Variants in SORCS1 observed in about 807,000 individuals in gnomAD.
SORCS1 encodes the protein sortilin related VPS10 domain containing receptor 1, also known as VPS10 domain-containing receptor SorCS1.
In SORCS1, 60 loss-of-function variants were observed where a neutral mutation model predicts 146.1. The observed-to-expected ratio is 0.41, with a 90% CI of 0.33 to 0.51. The LOEUF (loss-of-function observed/expected upper bound fraction) is 0.51. Among genes scored for constraint, SORCS1 ranks in the 20% least tolerant of loss-of-function variants. SORCS1 has a pLI of 0.21. For missense variants in SORCS1, 1,352 were observed against 1,487.6 expected, an observed-to-expected ratio of 0.91 and a Z score of 1.50; for synonymous variants, 637 against 584.0, an observed-to-expected ratio of 1.09 and a Z score of -1.31.
intron 23 of SORCS1, chr10:106,600,652 C>A: frequency 2.0e-6 from 2 of 985,412 alleles, no homozygotes; most frequent in Non-Finnish European, 2.4e-6. Flanking sequence ...TTGCTTGCTT[C>A]TTACTATCTT....
At chr10:106,750,840 A>G (rs1287059729) in intron 5 of SORCS1, among the ~76,000 whole-genome samples, 1 of 147,596 alleles carries the variant, frequency 6.8e-6, no homozygotes, top group Non-Finnish European at 1.5e-5. Flanking sequence ...CGGGCGGATC[A>G]CGAGGTCAAG....
intron 5 of SORCS1, among the ~76,000 whole-genome samples, chr10:106,754,701 C>T (rs1305444631): frequency 6.6e-6 from 1 of 152,146 alleles, no homozygotes; most frequent in Non-Finnish European, 1.5e-5. Flanking sequence ...CTGAAATGCA[C>T]TGAGTATAGC....
In SORCS1 at chr10:106,577,124, G is replaced by A. The variant is rs1036875233; in HGVS notation, c.*296C>T. The A allele has an allele frequency of 3.3e-5, 35 of 1,076,784 alleles. No homozygotes were observed. The highest frequency in any genetic ancestry group is 1.0e-4 in the Admixed American group (4 of 39,186). The allele number at this position is 1,076,784 out of a possible 1,614,324, so 66.7% of individuals were successfully genotyped here. Reference sequence around the variant, plus strand: ...TGTGTCTGAAGAATTAAAAAGTCCCGATGCAGTGAGTGTTTGTTTGTTTGT... The same window carrying A: ...TGTGTCTGAAGAATTAAAAAGTCCCAATGCAGTGAGTGTTTGTTTGTTTGT... On this transcript the variant is annotated 3_prime_UTR_variant, in exon 26 of 26. Transcript: ENST00000263054.
intron 23 of SORCS1, among the ~76,000 whole-genome samples, chr10:106,599,666 T>C (rs1344940169): frequency 6.6e-6 from 1 of 152,230 alleles, no homozygotes; most frequent in African/African-American, 2.4e-5. Context: ...TTAGCCTGTT[T>C]TGCCAAATTT....
intron 3 of SORCS1, among the ~76,000 whole-genome samples, chr10:106,810,765 C>T (rs1446361198): frequency 6.6e-6 from 1 of 152,132 alleles, no homozygotes; most frequent in Non-Finnish European, 1.5e-5. Flanking sequence ...TCTCCTAATG[C>T]ACTCCTAAAA....
At chr10:107,027,350 GT>G (rs1441908856) in intron 1 of SORCS1, among the ~76,000 whole-genome samples, 1 of 151,794 alleles carries the variant, frequency 6.6e-6, no homozygotes, top group Non-Finnish European at 1.5e-5. Flanking sequence ...CCTCACTAAT[GT>G]CCCCATCCGA....
At chr10:107,020,820 T>C in intron 1 of SORCS1, among the ~76,000 whole-genome samples, 1 of 152,222 alleles carries the variant, frequency 6.6e-6, no homozygotes, top group East Asian at 1.9e-4. Context: ...CAGCAATCCC[T>C]AAACTTTCTA....
chr10:107,040,693 T>G (rs1257518431), intron 1 of SORCS1, among the ~76,000 whole-genome samples: 2 of 152,186 alleles, frequency 1.3e-5, no homozygotes, highest in African/African-American at 4.8e-5. Context: ...TTAGGGTTGT[T>G]GTAAGGATTA....
chr10:107,023,521 C>G lies in SORCS1; in HGVS notation c.559-66941G>C, dbSNP rs146965737. On this transcript the variant is annotated intron_variant, in intron 1 of 25. Transcript: ENST00000263054. ...GGTATCCAAAAAACACAAAGCAGAGCTTGTGACATAAGAATTTTTATAGTC... is the reference window on the plus strand; with the variant it reads ...GGTATCCAAAAAACACAAAGCAGAGGTTGTGACATAAGAATTTTTATAGTC... 2.0e-5 allele frequency among the ~76,000 whole-genome samples: 3 copies of G among 152,224 alleles called. No individual in the cohort carries two copies. The East Asian group carries it at 5.8e-4, about 29-fold the overall frequency.
chr10:106,670,533 C>G (rs1483662665), intron 16 of SORCS1, among the ~76,000 whole-genome samples: 3 of 152,120 alleles, frequency 2.0e-5, no homozygotes, highest in Non-Finnish European at 4.4e-5. Flanking sequence ...CGAAAACTTG[C>G]AGGGACAGAA....
At chr10:107,023,479 A>T (rs1457934031) in intron 1 of SORCS1, among the ~76,000 whole-genome samples, 1 of 152,234 alleles carries the variant, frequency 6.6e-6, no homozygotes, top group Non-Finnish European at 1.5e-5. Context: ...TCCCATAAAC[A>T]TGTGCTAGAG....
intron 1 of SORCS1, among the ~76,000 whole-genome samples, chr10:107,007,684 A>G (rs1230596692): frequency 2.6e-5 from 4 of 152,246 alleles, no homozygotes; most frequent in Non-Finnish European, 5.9e-5. Context: ...AACATTCTGG[A>G]TGAATCTTTA....
chr10:106,673,037 T>A, intron 14 of SORCS1, 52 bp from the exon 15 acceptor site: 1 of 1,437,208 alleles, frequency 7.0e-7, no homozygotes, highest in Non-Finnish European at 9.7e-7. Flanking sequence ...ATGTAATGAG[T>A]AATAACAACA....
At chr10:106,614,815 G>A (rs1325048513) in intron 21 of SORCS1, among the ~76,000 whole-genome samples, 1 of 152,198 alleles carries the variant, frequency 6.6e-6, no homozygotes, top group Non-Finnish European at 1.5e-5. Flanking sequence ...ATGCGTGTGG[G>A]CGGACTGAAA....
At chr10:106,812,388 G>C (rs377088881) in intron 3 of SORCS1, among the ~76,000 whole-genome samples, 22 of 152,138 alleles carry the variant, frequency 1.4e-4, no homozygotes, top group African/African-American at 5.1e-4. Flanking sequence ...AGAGCTTACA[G>C]TTTATTATAA....
chr10:106,929,059 A>G (rs1435221292), intron 2 of SORCS1, among the ~76,000 whole-genome samples: 2 of 152,176 alleles, frequency 1.3e-5, no homozygotes, highest in Non-Finnish European at 1.5e-5. Context: ...TAAGAAATGC[A>G]CAGGCTCTCA....
intron 19 of SORCS1, among the ~76,000 whole-genome samples, chr10:106,626,282 C>G (rs1050307558): frequency 6.6e-6 from 1 of 152,072 alleles, no homozygotes; most frequent in East Asian, 1.9e-4. Context: ...ATAGAAAAAT[C>G]AAGTTTTACT....
chr10:107,001,799 G>C (rs1013200539), intron 1 of SORCS1, among the ~76,000 whole-genome samples: 6 of 152,192 alleles, frequency 3.9e-5, no homozygotes, highest in African/African-American at 1.4e-4. Flanking sequence ...TTTGCTTCAA[G>C]TCAGCTTAAC....
intron 1 of SORCS1, among the ~76,000 whole-genome samples, chr10:107,102,469 G>C (rs755261767): frequency 6.6e-5 from 10 of 152,178 alleles, no homozygotes; most frequent in Non-Finnish European, 1.0e-4. Flanking sequence ...GCAGTGGCAA[G>C]ATATTGGATT....
Sources: gnomAD v4.1 joint callset for allele counts (sites outside exome capture counted in the v4.1 genomes callset) on GRCh38, gnomAD v4.1.1 for gene constraint, MANE v1.5 for transcripts, NCBI Gene and HGNC (gene_info 2026-07-23, HGNC 2026-07-21) for gene names.